The following BPIFC variants were observed in gnomAD, a reference collection of about 807,000 sequenced individuals.
BPIFC encodes the protein BPI fold-containing family C protein.
In BPIFC, 60 loss-of-function variants were observed where a neutral mutation model predicts 57.6. The observed-to-expected ratio is 1.04, with a 90% CI of 0.85 to 1.29. The LOEUF (loss-of-function observed/expected upper bound fraction) is 1.29. BPIFC is among the 50% of genes most tolerant of loss of function. BPIFC has a pLI of 0.00. For missense variants in BPIFC, 581 were observed against 600.5 expected, an observed-to-expected ratio of 0.97 and a Z score of 0.34; for synonymous variants, 243 against 224.5, an observed-to-expected ratio of 1.08 and a Z score of -0.74.
intron 2 of BPIFC, among the ~76,000 whole-genome samples, chr22:32,460,216 G>A (rs372593000): frequency 2.6e-5 from 4 of 152,304 alleles, no homozygotes; most frequent in South Asian, 2.1e-4. Context: ...GGGAAAAGGC[G>A]CCCCTCTGGA....
In BPIFC at chr22:32,435,758, C is replaced by T. The variant is rs376253753; in HGVS notation, c.870G>A (p.Ala290=). The T allele has an allele frequency of 5.6e-6, 9 of 1,613,950 alleles. No homozygotes were observed. The highest frequency in any genetic ancestry group is 4.0e-5 in the African/African-American group (3 of 74,882). The change falls in exon 10 of 17, where the codon GCG becomes GCA. Residue 290 remains alanine, a synonymous_variant. Coordinates refer to ENST00000300399, the MANE Select transcript of BPIFC (RefSeq NM_174932.3). The part of the protein sequence containing the change: ...IGIAEYFFKS[A]SFAHFTAGVF... The stretch of plus-strand genomic sequence containing the variant: ...CCCCAGCTGTGAAATGAGCAAAGGA[C>T]GCAGATTTAAAGAAATACTCGGCGA...
chr22:32,437,475 C>T (rs1934441342), intron 9 of BPIFC, among the ~76,000 whole-genome samples: 1 of 152,138 alleles, frequency 6.6e-6, no homozygotes, highest in African/African-American at 2.4e-5. Flanking sequence ...ACTGCAACCT[C>T]TGCCTTCCAG....
At chr22:32,423,544 C>T (rs1285067420) in intron 13 of BPIFC, among the ~76,000 whole-genome samples, 1 of 149,094 alleles carries the variant, frequency 6.7e-6, no homozygotes, top group African/African-American at 2.5e-5. Flanking sequence ...TGCATTCTCT[C>T]GCTATGTTGC....
At chr22:32,422,117 T>A (rs1228152416) in intron 13 of BPIFC, among the ~76,000 whole-genome samples, 1 of 152,182 alleles carries the variant, frequency 6.6e-6, no homozygotes, top group Non-Finnish European at 1.5e-5. Context: ...TTTCATTTTT[T>A]ATCCTCAGAG....
At chr22:32,441,049 TC>T (rs1173527991) in intron 8 of BPIFC, among the ~76,000 whole-genome samples, 3 of 152,056 alleles carry the variant, frequency 2.0e-5, no homozygotes, top group Non-Finnish European at 4.4e-5. Flanking sequence ...GATCAAACCA[TC>T]CCCTCTTCCC....
intron 11 of BPIFC, 77 bp from the exon 12 acceptor site, chr22:32,432,620 T>A: frequency 7.2e-7 from 1 of 1,391,390 alleles, no homozygotes; most frequent in Non-Finnish European, 1.0e-6. Flanking sequence ...TAGGATGGCC[T>A]GTGGTGACTA....
intron 7 of BPIFC, among the ~76,000 whole-genome samples, chr22:32,442,960 C>T (rs1230718326): frequency 6.6e-6 from 1 of 152,158 alleles, no homozygotes; most frequent in Non-Finnish European, 1.5e-5. Flanking sequence ...AGCACTACAT[C>T]CAATCAGCCC....
chr22:32,435,586 G>A, intron 10 of BPIFC, 118 bp downstream of exon 10: 1 of 991,444 alleles, frequency 1.0e-6, no homozygotes, highest in South Asian at 1.7e-5. Flanking sequence ...GTCTTGCTGG[G>A]AGTGATAGCC....
Position 32,424,600 on chromosome 22 carries a change from T to TCTTCTTCTTCTTCTTCTTCTC in BPIFC, c.1218-5197_1218-5196insGAGAAGAAGAAGAAGAAGAAG, listed in dbSNP as rs1223346653. On this transcript the variant is annotated intron_variant, in intron 13 of 16. Transcript: ENST00000300399. The stretch of plus-strand genomic sequence containing the variant: ...TTCTTCTTCTTCTTCTTCTTCTTCT[T>TCTTCTTCTTCTTCTTCTTCTC]CTCCTCCTCCTCCTCCTCCTCCTCC... Among the ~76,000 whole-genome samples the TCTTCTTCTTCTTCTTCTTCTC allele has an allele frequency of 2.3e-3, 177 of 78,604 alleles. 29 individuals carry two copies. Among genetic ancestry groups the TCTTCTTCTTCTTCTTCTTCTC allele is most frequent in the East Asian group, 6.5e-3 (16 of 2,448 alleles). The allele number at this position is 78,604 out of a possible 152,430, so 51.6% of individuals were successfully genotyped here.
intron 3 of BPIFC, among the ~76,000 whole-genome samples, chr22:32,454,892 G>A (rs1475148010): frequency 6.6e-6 from 1 of 152,120 alleles, no homozygotes; most frequent in Non-Finnish European, 1.5e-5. Flanking sequence ...TAGTAACCTT[G>A]GAGGGGTCTG....
intron 13 of BPIFC, among the ~76,000 whole-genome samples, chr22:32,428,898 C>G (rs1934149721): frequency 6.8e-6 from 1 of 148,012 alleles, no homozygotes; most frequent in East Asian, 2.0e-4. Flanking sequence ...CACTCCATCT[C>G]AAAAAAAAAC....
At position 32,447,233 on chromosome 22, in the gene BPIFC, C is replaced by T. The variant is rs1235213057; in HGVS notation, c.353G>A (p.Trp118Ter). 1 of 1,610,906 alleles carries T rather than the reference C, an allele frequency of 6.2e-7. No homozygotes were observed. Among genetic ancestry groups the T allele is most frequent in the Non-Finnish European group, 8.5e-7 (1 of 1,178,474 alleles). Residue 118 changes from tryptophan to a stop codon, truncating the protein, a stop_gained, in exon 5 of 17, where the codon TGG becomes TAG. Transcript: ENST00000300399. LOFTEE classifies it high-confidence loss of function. ...NHGTANISTD[W>*]GFESPLFQDT... ...TCACAAAAGTGGAGACTCGAACCCCCAGTCTGTGCTGATGTTGGCAGTGCC... is the reference window on the plus strand; with the variant it reads ...TCACAAAAGTGGAGACTCGAACCCCTAGTCTGTGCTGATGTTGGCAGTGCC...
intron 7 of BPIFC, among the ~76,000 whole-genome samples, chr22:32,443,403 T>C (rs1934625988): frequency 6.6e-6 from 1 of 152,144 alleles, no homozygotes; most frequent in Admixed American, 6.5e-5. Context: ...GACCTCGTGA[T>C]TCACCCGCCT....
chr22:32,456,868 C>A (rs73404930), intron 3 of BPIFC, among the ~76,000 whole-genome samples: 12,241 of 152,188 alleles, frequency 0.08, 585 homozygotes, highest in African/African-American at 0.11. Context: ...ACCCATATTA[C>A]ATTTTAACCC....
At chr22:32,445,154 G>A (rs1649125959) in intron 7 of BPIFC, among the ~76,000 whole-genome samples, 1 of 152,210 alleles carries the variant, frequency 6.6e-6, no homozygotes, top group Admixed American at 6.5e-5. Flanking sequence ...CTGTTATTAA[G>A]TTGCAAAGGA....
chr22:32,414,507 C>CT (rs1465202027), intron 16 of BPIFC, 82 bp from the exon 17 acceptor site: 74 of 1,487,940 alleles, frequency 5.0e-5, no homozygotes, highest in Middle Eastern at 3.6e-4. Flanking sequence ...GAGATGGCTT[C>CT]TTTTTTTTAT....
chr22:32,431,686 G>C (rs1374342413), intron 12 of BPIFC, among the ~76,000 whole-genome samples: 1 of 151,790 alleles, frequency 6.6e-6, no homozygotes. Flanking sequence ...ATGTGCCTAT[G>C]TGCGTATGAC....
intron 14 of BPIFC, among the ~76,000 whole-genome samples, chr22:32,418,988 TTAA>T (rs986710861): frequency 8.1e-4 from 124 of 152,316 alleles, no homozygotes; most frequent in African/African-American, 2.7e-3. Context: ...TAATCATGGC[TTAA>T]TAATTTACAT....
Position 32,432,367 on chromosome 22 carries a change from A to T in BPIFC, c.1149+6T>A, listed in dbSNP as rs1934270956. ...ACAGGCTGCTCCACTGTCTCCCCAGACTTACGAAGTCCATGGAAACGATGG... is the reference window on the plus strand; with the variant it reads ...ACAGGCTGCTCCACTGTCTCCCCAGTCTTACGAAGTCCATGGAAACGATGG... On this transcript the variant is annotated splice_donor_region_variant and intron_variant, in intron 12 of 16. Transcript: ENST00000300399. 6.2e-7 allele frequency: 1 copy of T among 1,613,650 alleles called. No individual in the cohort carries two copies. Among genetic ancestry groups the T allele is most frequent in the African/African-American group, 1.3e-5 (1 of 74,872 alleles).
Sources: allele counts gnomAD v4.1 joint callset (sites outside exome capture counted in the v4.1 genomes callset), GRCh38; gene constraint gnomAD v4.1.1; transcripts MANE v1.5; gene names NCBI Gene and HGNC (gene_info 2026-07-23, HGNC 2026-07-21).